Variants in CPNE3 observed in about 807,000 individuals in gnomAD.
CPNE3 encodes the protein copine 3.
In CPNE3, 68 loss-of-function variants were observed where a neutral mutation model predicts 63.9. That is an observed-to-expected ratio of 1.06 (90% CI 0.87 to 1.30). The LOEUF (loss-of-function observed/expected upper bound fraction) is 1.30. CPNE3 is among the 50% of genes most tolerant of loss of function. The pLI is 0.00. For missense variants in CPNE3, 665 were observed against 578.1 expected (o/e 1.15, Z -1.54); for synonymous variants, 219 against 197.5 (o/e 1.11, Z -0.91).
chr8:86,549,877 A>G (rs1168298498), intron 12 of CPNE3, among the ~76,000 whole-genome samples: 3 of 152,182 alleles, frequency 2.0e-5, no homozygotes, highest in East Asian at 1.9e-4. Flanking sequence ...TTCTACTCAC[A>G]TCTCCATCTC....
In CPNE3 at chr8:86,540,311, G is replaced by A. The variant is rs929848651; in HGVS notation, c.610G>A (p.Gly204Arg). Reference protein sequence around the residue: ...FKISLNSLCYGDMDKTIKVEC... With the variant: ...FKISLNSLCYRDMDKTIKVEC... ...GATCTCTCTTAACTCACTGTGTTAC[G>A]GAGATATGGACAAAACCATTAAGGT... The change falls in exon 8 of 17, where the codon GGA becomes AGA. Residue 204 changes from glycine (G) to arginine (R), a missense_variant. Gly to Arg is a moderately radical substitution (Grantham distance 125). Coordinates refer to ENST00000517490, the MANE Select transcript of CPNE3 (RefSeq NM_003909.5). 4.5e-6 allele frequency: 7 copies of A among 1,564,784 alleles called. No homozygotes were observed. The highest frequency in any genetic ancestry group is 2.4e-5 in the East Asian group (1 of 42,290).
intron 2 of CPNE3, among the ~76,000 whole-genome samples, chr8:86,522,846 G>T (rs892754709): frequency 6.6e-6 from 1 of 152,086 alleles, no homozygotes; most frequent in African/African-American, 2.4e-5. Context: ...GGGATTTGTA[G>T]ATAGGCACCG....
intron 2 of CPNE3, among the ~76,000 whole-genome samples, chr8:86,515,928 A>G (rs1005773391): frequency 3.3e-5 from 5 of 152,222 alleles, no homozygotes; most frequent in Admixed American, 1.3e-4. Flanking sequence ...AGGATGGGAA[A>G]CGAAAAGGGA....
chr8:86,531,189 T>G lies in CPNE3; in HGVS notation c.347T>G (p.Val116Gly). Residue 116 changes from valine (V) to glycine (G), a missense_variant, in exon 5 of 17, where the codon GTG becomes GGG. Val to Gly is a moderately radical substitution (Grantham distance 109, BLOSUM62 -3). Coordinates refer to ENST00000517490, the MANE Select transcript of CPNE3 (RefSeq NM_003909.5). ...AGCAAGAAGCTAACTCGACCACTGG[T>G]GATGAAAACTGGCAGACCTGCAGGA... ...VSSKKLTRPL[V>G]MKTGRPAGKG... 1 of 1,323,280 alleles carries G rather than the reference T, an allele frequency of 7.6e-7. No homozygotes were observed. Among genetic ancestry groups the G allele is most frequent in the East Asian group, 2.3e-5 (1 of 43,530 alleles). The allele number at this position is 1,323,280 out of a possible 1,614,324, so 82.0% of individuals were successfully genotyped here. A position where few individuals can be genotyped will look rare whatever the true frequency, so the allele number is the denominator to read the frequency against.
Position 86,532,526 on chromosome 8 carries a change from A to G in CPNE3, c.405A>G (p.Ile135Met), listed in dbSNP as rs772725842. 6.2e-6 allele frequency: 10 copies of G among 1,612,044 alleles called. No individual in the cohort carries two copies. The Admixed American group carries it at 1.2e-4, about 19-fold the overall frequency. Reference protein sequence around the residue: ...KGSITISAEEIKDNRVVLFEM... With the variant: ...KGSITISAEEMKDNRVVLFEM... ...ACTCATAGATTTCAGCTGAAGAAAT[A>G]AAAGATAATAGAGTGGTCTTGTTTG... Residue 135 changes from isoleucine to methionine, a missense_variant, in exon 6 of 17, where the codon ATA becomes ATG. Physicochemically the swap from Ile to Met is conservative, Grantham distance 10. Transcript: ENST00000517490.
intron 2 of CPNE3, among the ~76,000 whole-genome samples, chr8:86,519,954 C>T (rs957463587): frequency 1.5e-4 from 23 of 152,198 alleles, no homozygotes; most frequent in Non-Finnish European, 2.2e-4. Flanking sequence ...TCAGACCATC[C>T]GCCCGCCTCA....
intron 2 of CPNE3, among the ~76,000 whole-genome samples, chr8:86,522,243 A>G (rs1047664636): frequency 3.9e-5 from 6 of 152,170 alleles, no homozygotes; most frequent in Non-Finnish European, 7.4e-5. Flanking sequence ...ATACTCTTGT[A>G]TACTATTTCT....
chr8:86,546,868 A>C, intron 10 of CPNE3, among the ~76,000 whole-genome samples, 187 bp downstream of exon 10: 1 of 151,960 alleles, frequency 6.6e-6, no homozygotes, highest in East Asian at 1.9e-4. Context: ...CCACCACTAC[A>C]CCTGGCTAAT....
chr8:86,553,527 A>G (rs917986310), intron 14 of CPNE3, among the ~76,000 whole-genome samples: 4 of 152,194 alleles, frequency 2.6e-5, no homozygotes, highest in African/African-American at 9.6e-5. Flanking sequence ...GCATAGCAAT[A>G]TGCAGTACAG....
chr8:86,548,869 A>G (rs908209455), intron 12 of CPNE3, among the ~76,000 whole-genome samples: 2 of 152,042 alleles, frequency 1.3e-5, no homozygotes, highest in African/African-American at 4.8e-5. Flanking sequence ...ACTAAATACT[A>G]TTTATGTTAA....
intron 6 of CPNE3, among the ~76,000 whole-genome samples, chr8:86,534,384 G>C (rs1173059636): frequency 6.6e-6 from 1 of 152,096 alleles, no homozygotes; most frequent in Non-Finnish European, 1.5e-5. Flanking sequence ...GGCCCGGTGT[G>C]GTGGCTCATG....
intron 2 of CPNE3, among the ~76,000 whole-genome samples, chr8:86,518,201 G>A (rs553790164): frequency 1.2e-4 from 18 of 152,310 alleles, no homozygotes; most frequent in African/African-American, 4.3e-4. Context: ...ACAAAGAAAA[G>A]GAAAGGAGTC....
intron 2 of CPNE3, chr8:86,521,820 G>T (rs1016880253): frequency 1.3e-5 from 2 of 151,942 alleles, no homozygotes; most frequent in Admixed American, 6.6e-5. Flanking sequence ...CATATTCTGG[G>T]TCAATCAATT....
intron 9 of CPNE3, among the ~76,000 whole-genome samples, chr8:86,545,514 A>G (rs1178858963): frequency 1.3e-5 from 2 of 152,196 alleles, no homozygotes; most frequent in Non-Finnish European, 2.9e-5. Flanking sequence ...GCTCTAATAT[A>G]TAATAATTTT....
At chr8:86,538,161 G>A (rs1437204290) in intron 7 of CPNE3, among the ~76,000 whole-genome samples, 2 of 152,190 alleles carry the variant, frequency 1.3e-5, no homozygotes, top group African/African-American at 4.8e-5. Flanking sequence ...GATCACTTGA[G>A]GTCAGGAGCT....
In CPNE3 at chr8:86,531,187, G is replaced by A; in HGVS notation, c.345G>A (p.Leu115=). ...CCAGCAAGAAGCTAACTCGACCACT[G>A]GTGATGAAAACTGGCAGACCTGCAG... ...IVSSKKLTRP[L]VMKTGRPAGK... Residue 115 remains leucine (L), a synonymous_variant, in exon 5 of 17, where the codon CTG becomes CTA. Transcript: ENST00000517490. The A allele has an allele frequency of 1.5e-6, 2 of 1,325,192 alleles. No individual in the cohort carries two copies. The highest frequency in any genetic ancestry group is 2.2e-6 in the Non-Finnish European group (2 of 916,154). 82.1% of individuals were successfully genotyped at this position (1,325,192 alleles called of 1,614,324 possible).
chr8:86,533,325 T>A (rs1563690665), intron 6 of CPNE3, among the ~76,000 whole-genome samples: 1 of 152,064 alleles, frequency 6.6e-6, no homozygotes, highest in Admixed American at 6.6e-5. Context: ...GGGAGATCAC[T>A]TGAGCTCAGA....
chr8:86,551,107 G>A lies in CPNE3; in HGVS notation c.1068+7G>A, dbSNP rs370189057. The stretch of plus-strand genomic sequence containing the variant: ...GATACCTCCTCAGTGGCAGGTAAGA[G>A]GAAATCTCTATTTTAAAGCTTTGCC... On this transcript the variant is annotated splice_region_variant and intron_variant, in intron 13 of 16. Coordinates refer to ENST00000517490, the MANE Select transcript of CPNE3 (RefSeq NM_003909.5). 2.2e-5 allele frequency: 35 copies of A among 1,612,812 alleles called. No homozygotes were observed. The African/African-American group carries it at 4.3e-4, about 20-fold the overall frequency.
rs975444296 is a variant in CPNE3, at chr8:86,558,662, T to C, written c.*252T>C. 2.6e-6 allele frequency: 1 copy of C among 384,944 alleles called. No individual in the cohort carries two copies. Among genetic ancestry groups the C allele is most frequent in the South Asian group, 4.0e-5 (1 of 24,834 alleles). 23.8% of individuals were successfully genotyped at this position (384,944 alleles called of 1,614,324 possible). On this transcript the variant is annotated 3_prime_UTR_variant, in exon 17 of 17. Transcript: ENST00000517490. ...GCAGTAAAGCTCTTTGGATTAGAAATTAGTGTGGGGAAAGCTTATTCTGTT... is the reference window on the plus strand; with the variant it reads ...GCAGTAAAGCTCTTTGGATTAGAAACTAGTGTGGGGAAAGCTTATTCTGTT...
Sources: allele counts gnomAD v4.1 joint callset (sites outside exome capture counted in the v4.1 genomes callset), GRCh38; gene constraint gnomAD v4.1.1; transcripts MANE v1.5; gene names NCBI Gene and HGNC (gene_info 2026-07-23, HGNC 2026-07-21).